The following CNST variants were observed in gnomAD, a reference collection of about 807,000 sequenced individuals.
The protein encoded by CNST is consortin.
A neutral mutation model predicts 72.4 loss-of-function variants in CNST; 39 were observed. The ratio of observed to expected loss-of-function variants is 0.54; its 90% CI spans 0.42 to 0.70. CNST has a LOEUF of 0.70. Among genes scored for constraint, CNST ranks in the 30% least tolerant of loss-of-function variants. The pLI, the probability that CNST is intolerant of heterozygous loss-of-function variation, is 0.00. For synonymous variants in CNST, 332 were observed against 320.1 expected (o/e 1.04, Z -0.40); for missense variants, 871 against 868.5 (o/e 1.00, Z -0.04).
chr1:246,633,570 G>T (rs775325564), intron 4 of CNST, among the ~76,000 whole-genome samples: 1 of 151,668 alleles, frequency 6.6e-6, no homozygotes, highest in African/African-American at 2.4e-5. Context: ...GTGAAACCCC[G>T]TCTCTACTAA....
intron 2 of CNST, chr1:246,607,788 C>G (rs559888918): frequency 2.0e-5 from 3 of 152,338 alleles, no homozygotes; most frequent in Non-Finnish European, 2.9e-5. Flanking sequence ...TTCATCCCCC[C>G]AAGCTTTCAG....
At chr1:246,612,214 T>G (rs1663365183) in intron 2 of CNST, among the ~76,000 whole-genome samples, 1 of 152,246 alleles carries the variant, frequency 6.6e-6, no homozygotes. Context: ...TTTTTTTGTT[T>G]GTTTGAGACA....
At position 246,641,999 on chromosome 1, in the gene CNST, A is replaced by C. The variant is rs1232261778; in HGVS notation, c.899A>C (p.Glu300Ala). The change falls in exon 8 of 11, where the codon GAA (glutamate) becomes GCA (alanine). Residue 300 changes from glutamate to alanine, a missense_variant. Coordinates refer to ENST00000366513, the MANE Select transcript of CNST (RefSeq NM_152609.3). ...TGCTCCACGCAGTTACTAGTGTCTG[A>C]AGATCCAAAGGAAGGAGGAGCTACC... ...RKCSTQLLVS[E>A]DPKEGGATTK... 6.2e-7 allele frequency: 1 copy of C among 1,612,496 alleles called. No individual in the cohort carries two copies. The highest frequency in any genetic ancestry group is 1.3e-5 in the African/African-American group (1 of 74,870).
chr1:246,586,653 G>A (rs574771281), intron 1 of CNST, among the ~76,000 whole-genome samples: 11 of 152,078 alleles, frequency 7.2e-5, no homozygotes, highest in South Asian at 2.1e-4. Flanking sequence ...GAGATCTTAC[G>A]ATAATTTCTA....
chr1:246,625,177 A>C (rs1440094591), intron 3 of CNST, among the ~76,000 whole-genome samples: 1 of 152,140 alleles, frequency 6.6e-6, no homozygotes. Context: ...ATTTCCCCCA[A>C]GTAGTTCCAC....
chr1:246,621,710 C>A, intron 3 of CNST, 76 bp downstream of exon 3: 1 of 1,289,986 alleles, frequency 7.8e-7, no homozygotes, highest in Non-Finnish European at 1.1e-6. Flanking sequence ...AAAATGCTGT[C>A]TTGGCTGGGC....
At chr1:246,575,056 C>T (rs1558525162) in intron 1 of CNST, among the ~76,000 whole-genome samples, 1 of 151,558 alleles carries the variant, frequency 6.6e-6, no homozygotes, top group East Asian at 1.9e-4. Context: ...AGTGCAGTGG[C>T]ACGATCTTGG....
chr1:246,664,695 G>A (rs1667312088), intron 10 of CNST, among the ~76,000 whole-genome samples: 1 of 150,602 alleles, frequency 6.6e-6, no homozygotes, highest in Admixed American at 6.6e-5. Flanking sequence ...CAAAGTGCTG[G>A]GATTACAGGC....
In CNST at chr1:246,665,772, G is replaced by A; in HGVS notation, c.2045G>A (p.Gly682Glu). 1.2e-6 allele frequency: 2 copies of A among 1,613,954 alleles called. No individual in the cohort carries two copies. Among genetic ancestry groups the A allele is most frequent in the Non-Finnish European group, 8.5e-7 (1 of 1,180,024 alleles). Residue 682 changes from glycine to glutamate, a missense_variant, in exon 11 of 11, where the codon GGA becomes GAA. Physicochemically the swap from Gly to Glu is moderately conservative, Grantham distance 98 (BLOSUM62 -2). Coordinates refer to ENST00000366513, the MANE Select transcript of CNST (RefSeq NM_152609.3). ...GCAACGGTTTTCCTCAGTGTTGGAG[G>A]AACTGCATTATACTGCACTTTCGGT... ...CIATVFLSVG[G>E]TALYCTFGDM...
At chr1:246,586,973 G>C (rs1661239431) in intron 1 of CNST, among the ~76,000 whole-genome samples, 1 of 152,120 alleles carries the variant, frequency 6.6e-6, no homozygotes. Context: ...TCCTGGCTTT[G>C]CCACATAATA....
At chr1:246,637,864 T>G (rs140780245) in intron 6 of CNST, among the ~76,000 whole-genome samples, 52 of 152,256 alleles carry the variant, frequency 3.4e-4, no homozygotes, top group African/African-American at 1.2e-3. Context: ...TGGGAACGCT[T>G]CTACCCACCC....
intron 6 of CNST, among the ~76,000 whole-genome samples, chr1:246,636,433 C>T (rs1290792409): frequency 1.3e-5 from 2 of 152,050 alleles, no homozygotes; most frequent in African/African-American, 2.4e-5. Context: ...CCTGCGGGCT[C>T]CCCCGCATAC....
At chr1:246,635,048 G>A (rs1665092051) in intron 6 of CNST, among the ~76,000 whole-genome samples, 1 of 152,152 alleles carries the variant, frequency 6.6e-6, no homozygotes, top group South Asian at 2.1e-4. Flanking sequence ...GTGGCCTCGC[G>A]CCTTGGGACT....
rs1282979397 is a variant in CNST, at chr1:246,636,163, G to A, written c.818+1576G>A. ...ACAATTGAGGTAGCTGAAGTTAGAG[G>A]GAGACCAGGCTCCAGGGGGTAACCT... On this transcript the variant is annotated intron_variant, in intron 6 of 10. Coordinates refer to ENST00000366513, the MANE Select transcript of CNST (RefSeq NM_152609.3). Among the ~76,000 whole-genome samples the A allele has an allele frequency of 1.1e-4, 16 of 152,118 alleles. 1 individual carries two copies. The highest frequency in any genetic ancestry group is 9.8e-4 in the Admixed American group (15 of 15,270).
At chr1:246,605,512 G>C (rs1171554062) in intron 2 of CNST, among the ~76,000 whole-genome samples, 3 of 152,188 alleles carry the variant, frequency 2.0e-5, no homozygotes, top group African/African-American at 7.2e-5. Flanking sequence ...GTGCAGACGG[G>C]CTGAGGCCTA....
At chr1:246,616,864 T>C (rs1459218610) in intron 2 of CNST, among the ~76,000 whole-genome samples, 1 of 152,098 alleles carries the variant, frequency 6.6e-6, no homozygotes, top group Non-Finnish European at 1.5e-5. Flanking sequence ...ATACTTTTTT[T>C]TTTCAAGCAA....
chr1:246,663,494 A>ACTTTGGG (rs1315707755), intron 10 of CNST, among the ~76,000 whole-genome samples: 1 of 152,062 alleles, frequency 6.6e-6, no homozygotes, highest in Non-Finnish European at 1.5e-5. Context: ...TAATCCCAGC[A>ACTTTGGG]CTTTGGGAGG....
At chr1:246,568,452 G>C (rs1239855898) in intron 1 of CNST, among the ~76,000 whole-genome samples, 2 of 152,168 alleles carry the variant, frequency 1.3e-5, no homozygotes, top group Non-Finnish European at 2.9e-5. Flanking sequence ...CAGGTGCTGA[G>C]AATGTTGATT....
At chr1:246,568,078 A>T (rs900806994) in intron 1 of CNST, among the ~76,000 whole-genome samples, 1 of 152,094 alleles carries the variant, frequency 6.6e-6, no homozygotes, top group African/African-American at 2.4e-5. Context: ...AGGTGGGAGG[A>T]TCACTTGCTG....
Sources: gnomAD v4.1 joint callset for allele counts (sites outside exome capture counted in the v4.1 genomes callset) on GRCh38, gnomAD v4.1.1 for gene constraint, MANE v1.5 for transcripts, NCBI Gene and HGNC (gene_info 2026-07-23, HGNC 2026-07-21) for gene names.